RGS6: variants seen among roughly 807,000 people sequenced by gnomAD.
The protein encoded by RGS6 is regulator of G protein signaling 6, also known as regulator of G-protein signaling 6.
Under a neutral mutation model 78.5 loss-of-function variants are expected in RGS6, and 30 were observed. The ratio of observed to expected loss-of-function variants is 0.38; its 90% CI spans 0.29 to 0.52. The LOEUF (loss-of-function observed/expected upper bound fraction) is 0.52, where lower values mean the gene tolerates loss of function less well. RGS6 is among the 20% of genes least tolerant of loss of function. RGS6 has a pLI of 0.85. For synonymous variants in RGS6, 206 were observed against 206.0 expected, an observed-to-expected ratio of 1.00 and a Z score of 0.00; for missense variants, 495 against 609.7, an observed-to-expected ratio of 0.81 and a Z score of 1.98.
chr14:72,608,012 G>A, the RGS6 span, among the ~76,000 whole-genome samples: 1 of 152,204 alleles, frequency 6.6e-6, no homozygotes, highest in Non-Finnish European at 1.5e-5. Flanking sequence ...CCACTGCCAT[G>A]CCCACCTGTG....
At chr14:72,456,727 C>T (rs1421869162) in intron 4 of RGS6, among the ~76,000 whole-genome samples, 3 of 152,140 alleles carry the variant, frequency 2.0e-5, no homozygotes, top group Non-Finnish European at 2.9e-5. Context: ...GGAGCAACTG[C>T]TGATGATGAA....
chr14:71,944,271 A>G (rs1429325314), intron 1 of RGS6, among the ~76,000 whole-genome samples: 1 of 152,172 alleles, frequency 6.6e-6, no homozygotes, highest in Non-Finnish European at 1.5e-5. Flanking sequence ...TTTGCAAATC[A>G]AAGTCCTTTA....
intron 12 of RGS6, among the ~76,000 whole-genome samples, chr14:72,483,651 T>C (rs557541171): frequency 9.9e-5 from 15 of 152,234 alleles, no homozygotes; most frequent in African/African-American, 3.6e-4. Flanking sequence ...ACTTTGCTTT[T>C]ATGGGATTTC....
chr14:71,987,736 G>A (rs1413684515), intron 2 of RGS6, among the ~76,000 whole-genome samples: 1 of 151,938 alleles, frequency 6.6e-6, no homozygotes, highest in African/African-American at 2.4e-5. Flanking sequence ...GCCCAGGCTG[G>A]GCTTGAACTC....
chr14:72,098,413 C>T (rs1298144218), intron 2 of RGS6, among the ~76,000 whole-genome samples: 2 of 152,352 alleles, frequency 1.3e-5, no homozygotes, highest in Middle Eastern at 3.4e-3. Flanking sequence ...CTGCTGAACA[C>T]TAGCACTCCC....
At chr14:72,512,722 T>C (rs911996531) in intron 14 of RGS6, among the ~76,000 whole-genome samples, 1 of 152,242 alleles carries the variant, frequency 6.6e-6, no homozygotes, top group African/African-American at 2.4e-5. Flanking sequence ...ACTGGATACA[T>C]GGTGGGTGAG....
At chr14:72,458,094 G>T (rs558677152) in intron 4 of RGS6, among the ~76,000 whole-genome samples, 177 bp from the exon 5 acceptor site, 4 of 152,234 alleles carry the variant, frequency 2.6e-5, no homozygotes, top group Admixed American at 6.5e-5. Flanking sequence ...CAGACACATA[G>T]TTGCCCTTTC....
chr14:72,567,059 A>G (rs1377345539), downstream of RGS6, among the ~76,000 whole-genome samples: 1 of 152,216 alleles, frequency 6.6e-6, no homozygotes, highest in East Asian at 1.9e-4. Context: ...CAAGGTAAAA[A>G]GGCAGTGCTA....
the RGS6 span, among the ~76,000 whole-genome samples, chr14:71,924,343 A>T: frequency 6.6e-6 from 1 of 152,242 alleles, no homozygotes; most frequent in African/African-American, 2.4e-5. Context: ...TCATTACTAC[A>T]GTCAAGCAAA....
At chr14:72,165,693 T>C (rs578202561) in intron 2 of RGS6, among the ~76,000 whole-genome samples, 10 of 152,344 alleles carry the variant, frequency 6.6e-5, no homozygotes, top group African/African-American at 2.4e-4. Flanking sequence ...AAATGTGTTG[T>C]GATGTGCCAT....
the RGS6 span, among the ~76,000 whole-genome samples, chr14:72,621,555 G>A: frequency 6.6e-6 from 1 of 152,210 alleles, no homozygotes; most frequent in African/African-American, 2.4e-5. Flanking sequence ...GGGGCAACAG[G>A]AAAGCTTTTG....
At chr14:72,148,996 G>A (rs1030729155) in intron 2 of RGS6, among the ~76,000 whole-genome samples, 1 of 152,208 alleles carries the variant, frequency 6.6e-6, no homozygotes, top group Non-Finnish European at 1.5e-5. Flanking sequence ...AGGCTTGGTG[G>A]ATAGCTTATC....
intron 2 of RGS6, among the ~76,000 whole-genome samples, chr14:72,100,420 G>A (rs2095503822): frequency 6.6e-6 from 1 of 152,104 alleles, no homozygotes; most frequent in Admixed American, 6.5e-5. Flanking sequence ...GCTTGAACCT[G>A]GGAGGCAGAG....
chr14:72,119,633 G>T (rs2095998103), intron 2 of RGS6, among the ~76,000 whole-genome samples: 1 of 152,116 alleles, frequency 6.6e-6, no homozygotes, highest in Non-Finnish European at 1.5e-5. Flanking sequence ...TATGAGCAAA[G>T]GCCATTCTTG....
At chr14:72,264,961 C>A (rs1293756690) in intron 2 of RGS6, among the ~76,000 whole-genome samples, 2 of 152,262 alleles carry the variant, frequency 1.3e-5, no homozygotes, top group East Asian at 1.9e-4. Context: ...TTTGATGTAC[C>A]TCTCCCTGAT....
intron 2 of RGS6, among the ~76,000 whole-genome samples, chr14:72,310,814 C>T (rs1326687289): frequency 6.6e-6 from 1 of 152,170 alleles, no homozygotes; most frequent in African/African-American, 2.4e-5. Context: ...ATTAACAATC[C>T]AGACCCTTCC....
At chr14:72,297,260 C>T (rs904492344) in intron 2 of RGS6, among the ~76,000 whole-genome samples, 4 of 151,978 alleles carry the variant, frequency 2.6e-5, no homozygotes, top group African/African-American at 9.7e-5. Context: ...ATTCTAGGTC[C>T]TTTGCATTTC....
At chr14:72,395,753 A>C (rs911284950) in intron 3 of RGS6, among the ~76,000 whole-genome samples, 3 of 151,870 alleles carry the variant, frequency 2.0e-5, no homozygotes, top group Admixed American at 6.6e-5. Context: ...TCATTGTTCA[A>C]TTCCCACCTA....
At chr14:72,491,698 A>T (rs1472707395) in intron 12 of RGS6, among the ~76,000 whole-genome samples, 3 of 152,216 alleles carry the variant, frequency 2.0e-5, no homozygotes, top group Non-Finnish European at 4.4e-5. Flanking sequence ...AAAATTTAAT[A>T]AAAAAGAAAG....
Sources: allele counts gnomAD v4.1 joint callset (sites outside exome capture counted in the v4.1 genomes callset), GRCh38; gene constraint gnomAD v4.1.1; transcripts MANE v1.5; gene names NCBI Gene and HGNC (gene_info 2026-07-23, HGNC 2026-07-21).